The following ELL variants were observed in gnomAD, a reference collection of about 807,000 sequenced individuals.
The protein encoded by ELL is RNA polymerase II elongation factor ELL.
Under a neutral mutation model 64.0 loss-of-function variants are expected in ELL, and 18 were observed. The observed-to-expected ratio is 0.28, with a 90% CI of 0.19 to 0.42. The LOEUF is 0.42. Among genes scored for constraint, ELL ranks in the 10% least tolerant of loss-of-function variants. The pLI, the probability that ELL is intolerant of heterozygous loss-of-function variation, is 1.00. For missense variants in ELL, 797 were observed against 870.4 expected, an observed-to-expected ratio of 0.92 and a Z score of 1.06; for synonymous variants, 399 against 376.2, an observed-to-expected ratio of 1.06 and a Z score of -0.70.
intron 1 of ELL, among the ~76,000 whole-genome samples, chr19:18,519,398 G>A (rs1470603185): frequency 6.6e-6 from 1 of 152,198 alleles, no homozygotes; most frequent in Admixed American, 6.5e-5. Flanking sequence ...ACACAATCAA[G>A]TTCTTCAAGC....
rs546697820 is a variant in ELL, at chr19:18,469,633, G to A, written c.183+3202C>T. On this transcript the variant is annotated intron_variant, in intron 2 of 11. Transcript: ENST00000262809. Reference sequence around the variant, plus strand: ...GCTCCAGGTTATAGGGTGTGGGGAGGAGTTGCCATAAACCTAAGCACTAGT... The same window carrying A: ...GCTCCAGGTTATAGGGTGTGGGGAGAAGTTGCCATAAACCTAAGCACTAGT... 5.9e-5 allele frequency among the ~76,000 whole-genome samples: 9 copies of A among 152,314 alleles called. 1 individual carries two copies. The South Asian group carries it at 1.0e-3, about 18-fold the overall frequency.
chr19:18,481,504 C>T (rs772314941), intron 1 of ELL, among the ~76,000 whole-genome samples: 1 of 152,130 alleles, frequency 6.6e-6, no homozygotes, highest in Non-Finnish European at 1.5e-5. Flanking sequence ...TAAATCTGTC[C>T]CTCTCTTACG....
intron 1 of ELL, among the ~76,000 whole-genome samples, chr19:18,488,936 C>T (rs1427728725): frequency 1.3e-5 from 2 of 152,190 alleles, no homozygotes; most frequent in African/African-American, 4.8e-5. Context: ...CGTCCTGGAC[C>T]GGCTGACCAG....
chr19:18,461,959 G>A lies in ELL; in HGVS notation c.470-107C>T, dbSNP rs1974824926. On this transcript the variant is annotated intron_variant, in intron 4 of 11. Transcript: ENST00000262809. Reference sequence around the variant, plus strand: ...GTTTGAGACTATAGACAGTGCTGGTGGGAGGCACCACACCAACCACAGCAA... The same window carrying A: ...GTTTGAGACTATAGACAGTGCTGGTAGGAGGCACCACACCAACCACAGCAA... 4.3e-6 allele frequency: 6 copies of A among 1,397,600 alleles called. No individual in the cohort carries two copies. The Admixed American group carries it at 6.5e-5, about 15-fold the overall frequency. The allele number at this position is 1,397,600 out of a possible 1,614,324, so 86.6% of individuals were successfully genotyped here.
Position 18,450,741 on chromosome 19 carries a change from T to C in ELL, c.1201A>G (p.Ser401Gly). 1 of 1,584,100 alleles carries C rather than the reference T, an allele frequency of 6.3e-7. No individual in the cohort carries two copies. The highest frequency in any genetic ancestry group is 8.6e-7 in the Non-Finnish European group (1 of 1,165,342). Reference protein sequence around the residue: ...PRAHDPLADVSNDLGHSGRDC... With the variant: ...PRAHDPLADVGNDLGHSGRDC... ...CGGCCGCTGTGGCCCAGGTCATTGC[T>C]GACATCGGCCAGGGGGTCGTGGGCC... The change falls in exon 8 of 12, where the codon AGC becomes GGC. Residue 401 changes from serine to glycine, a missense_variant. Coordinates refer to ENST00000262809, the MANE Select transcript of ELL (RefSeq NM_006532.4).
At chr19:18,471,735 CAG>C (rs779076579) in intron 2 of ELL, among the ~76,000 whole-genome samples, 1 of 152,182 alleles carries the variant, frequency 6.6e-6, no homozygotes, top group Non-Finnish European at 1.5e-5. Flanking sequence ...AGTCCTAAAA[CAG>C]GGGGTCAAAG....
rs568866266 is a variant in ELL, at chr19:18,445,238, G to A, written c.1735C>T (p.Arg579Ter). Residue 579 changes from arginine to a stop codon, truncating the protein, a stop_gained, in exon 11 of 12, where the codon CGA becomes TGA. Coordinates refer to ENST00000262809, the MANE Select transcript of ELL (RefSeq NM_006532.4). LOFTEE classifies it high-confidence loss of function. ...TTRGQILQEY[R>*]KIKKTNTNYS... Reference sequence around the variant, plus strand: ...GAGACACTCACCTTTTTGATTTTTCGATATTCCTGCAAAATCTGCCCTCGA... The same window carrying A: ...GAGACACTCACCTTTTTGATTTTTCAATATTCCTGCAAAATCTGCCCTCGA... 6.2e-7 allele frequency: 1 copy of A among 1,613,784 alleles called. No individual in the cohort carries two copies. Among genetic ancestry groups the A allele is most frequent in the Non-Finnish European group, 8.5e-7 (1 of 1,179,986 alleles).
intron 8 of ELL, chr19:18,448,656 A>G (rs1380241166): frequency 2.0e-5 from 3 of 152,122 alleles, no homozygotes; most frequent in Non-Finnish European, 2.9e-5. Context: ...AGGCTGGTCA[A>G]CATTACCTCA....
At chr19:18,491,009 G>A in intron 1 of ELL, among the ~76,000 whole-genome samples, 1 of 152,160 alleles carries the variant, frequency 6.6e-6, no homozygotes, top group East Asian at 1.9e-4. Flanking sequence ...GTATCCAGCT[G>A]TTTGGCCAAA....
chr19:18,482,752 T>A (rs570945169), intron 1 of ELL, among the ~76,000 whole-genome samples: 10 of 150,768 alleles, frequency 6.6e-5, no homozygotes, highest in East Asian at 3.9e-4. Context: ...GTTCCTCCCA[T>A]CTTTTTGGTT....
intron 1 of ELL, among the ~76,000 whole-genome samples, chr19:18,510,661 G>A (rs971195546): frequency 2.0e-5 from 3 of 152,106 alleles, no homozygotes; most frequent in Non-Finnish European, 4.4e-5. Context: ...GCATTTAAAT[G>A]GCTCCAAGAC....
chr19:18,476,329 C>T (rs947439227), intron 1 of ELL, among the ~76,000 whole-genome samples: 2 of 152,214 alleles, frequency 1.3e-5, no homozygotes, highest in Non-Finnish European at 2.9e-5. Context: ...GATGAGGGCT[C>T]AGAAAACAGT....
At chr19:18,472,787 A>T (rs751180477) in intron 2 of ELL, 48 bp downstream of exon 2, 2 of 1,580,458 alleles carry the variant, frequency 1.3e-6, no homozygotes, top group Admixed American at 3.7e-5. Flanking sequence ...ACCTGAGACT[A>T]TACCAGTCCC....
intron 1 of ELL, among the ~76,000 whole-genome samples, chr19:18,476,375 G>T (rs1037862499): frequency 6.6e-6 from 1 of 152,214 alleles, no homozygotes; most frequent in Non-Finnish European, 1.5e-5. Context: ...ACAAGGGACA[G>T]GAACCAGTTA....
intron 1 of ELL, among the ~76,000 whole-genome samples, chr19:18,514,597 AC>A (rs1331839949): frequency 2.6e-5 from 4 of 151,780 alleles, no homozygotes; most frequent in African/African-American, 9.7e-5. Flanking sequence ...CCTGCAGGTC[AC>A]AGGCCATTTG....
chr19:18,509,620 C>CGT (rs1975972111), intron 1 of ELL, among the ~76,000 whole-genome samples: 1 of 141,490 alleles, frequency 7.1e-6, no homozygotes, highest in Non-Finnish European at 1.5e-5. Flanking sequence ...CACACACACA[C>CGT]ACACACACAC....
intron 1 of ELL, among the ~76,000 whole-genome samples, chr19:18,490,479 T>G (rs965688130): frequency 1.3e-5 from 2 of 152,350 alleles, no homozygotes; most frequent in Admixed American, 1.3e-4. Context: ...CCATGGGCAG[T>G]GGCACACTGC....
At chr19:18,516,561 G>C (rs371345395) in intron 1 of ELL, among the ~76,000 whole-genome samples, 2 of 151,930 alleles carry the variant, frequency 1.3e-5, no homozygotes, top group Admixed American at 6.6e-5. Context: ...TGGGTATCCC[G>C]CCCTGAGCCA....
chr19:18,474,996 C>T (rs550700046), intron 1 of ELL, among the ~76,000 whole-genome samples: 1 of 152,266 alleles, frequency 6.6e-6, no homozygotes, highest in African/African-American at 2.4e-5. Context: ...TGGCAGTGGG[C>T]ACCTGTAATC....
Sources: allele counts gnomAD v4.1 joint callset (sites outside exome capture counted in the v4.1 genomes callset), GRCh38; gene constraint gnomAD v4.1.1; transcripts MANE v1.5; gene names NCBI Gene and HGNC (gene_info 2026-07-23, HGNC 2026-07-21).